The following MDGA2 variants were observed in gnomAD, a reference collection of about 807,000 sequenced individuals.
MDGA2 encodes the protein MAM domain containing glycosylphosphatidylinositol anchor 2, also known as MAM domain-containing glycosylphosphatidylinositol anchor protein 2.
MDGA2 carries 40 observed loss-of-function variants against 117.8 expected under a neutral mutation model. The observed-to-expected ratio is 0.34, with a 90% confidence interval of 0.26 to 0.44. The LOEUF (loss-of-function observed/expected upper bound fraction) is 0.44, where lower values mean the gene tolerates loss of function less well. Among genes scored for constraint, MDGA2 ranks in the 20% least tolerant of loss-of-function variants. The pLI is 1.00. For missense variants in MDGA2, 1,123 were observed against 1,250.6 expected, an observed-to-expected ratio of 0.90 and a Z score of 1.54; for synonymous variants, 452 against 439.0, an observed-to-expected ratio of 1.03 and a Z score of -0.37.
chr14:46,894,778 C>A (rs1341658451), intron 10 of MDGA2, among the ~76,000 whole-genome samples: 5 of 152,134 alleles, frequency 3.3e-5, no homozygotes, highest in African/African-American at 1.2e-4. Flanking sequence ...ACATTGAAAA[C>A]CACCCAAGAG....
At chr14:46,865,362 AATCAATTAGGTATTGATGGGACGT>A in intron 14 of MDGA2, among the ~76,000 whole-genome samples, 1 of 152,144 alleles carries the variant, frequency 6.6e-6, no homozygotes, top group Non-Finnish European at 1.5e-5. Flanking sequence ...AAAAACTCTC[AATCAATTAGGTATTGATGGGACGT>A]ATCTCAAAAT....
chr14:47,475,161 AG>A (rs796492206), intron 1 of MDGA2, among the ~76,000 whole-genome samples: 1 of 152,292 alleles, frequency 6.6e-6, no homozygotes, highest in African/African-American at 2.4e-5. Flanking sequence ...TTAAAAAGTG[AG>A]CAAAGGACAT....
chr14:46,913,222 C>G (rs1475852437), intron 10 of MDGA2, among the ~76,000 whole-genome samples: 2 of 152,124 alleles, frequency 1.3e-5, no homozygotes, highest in Non-Finnish European at 1.5e-5. Context: ...TCAGTACATG[C>G]CCCAAATATG....
chr14:47,271,639 C>T (rs1167306721), intron 2 of MDGA2, among the ~76,000 whole-genome samples: 2 of 152,066 alleles, frequency 1.3e-5, no homozygotes, highest in African/African-American at 4.8e-5. Flanking sequence ...CACCTCCTGA[C>T]CTTGAATAAG....
chr14:47,377,602 GC>G (rs1443351060), intron 1 of MDGA2, among the ~76,000 whole-genome samples: 1 of 151,986 alleles, frequency 6.6e-6, no homozygotes, highest in Non-Finnish European at 1.5e-5. Flanking sequence ...TGCCCACGGA[GC>G]CTTGCTCACT....
At chr14:47,405,033 T>C (rs1013704152) in intron 1 of MDGA2, among the ~76,000 whole-genome samples, 2 of 152,196 alleles carry the variant, frequency 1.3e-5, no homozygotes, top group African/African-American at 4.8e-5. Flanking sequence ...TAATGAATGA[T>C]GTTTATAGCA....
At chr14:46,844,026 C>A (rs1319163589) in intron 16 of MDGA2, among the ~76,000 whole-genome samples, 1 of 152,114 alleles carries the variant, frequency 6.6e-6, no homozygotes, top group African/African-American at 2.4e-5. Flanking sequence ...CTTTAAGAAG[C>A]AGCTAAATAC....
At chr14:47,107,285 T>C (rs1880757241) in intron 5 of MDGA2, among the ~76,000 whole-genome samples, 1 of 152,052 alleles carries the variant, frequency 6.6e-6, no homozygotes, top group Non-Finnish European at 1.5e-5. Context: ...ATTTTACCTG[T>C]CCTAAAACCA....
At chr14:47,162,184 T>G (rs1883670493) in intron 3 of MDGA2, among the ~76,000 whole-genome samples, 2 of 151,996 alleles carry the variant, frequency 1.3e-5, no homozygotes, top group Admixed American at 1.3e-4. Flanking sequence ...CGACCTCGTG[T>G]TCTGCATGCC....
At chr14:47,212,504 C>G (rs1388743315) in intron 3 of MDGA2, among the ~76,000 whole-genome samples, 2 of 152,052 alleles carry the variant, frequency 1.3e-5, no homozygotes, top group East Asian at 3.9e-4. Flanking sequence ...TTTCCAATAC[C>G]CAGAGGCAAC....
chr14:47,285,022 C>A (rs1183193643), intron 2 of MDGA2, among the ~76,000 whole-genome samples: 1 of 152,020 alleles, frequency 6.6e-6, no homozygotes, highest in Non-Finnish European at 1.5e-5. Flanking sequence ...GAACATTTAC[C>A]AACTCTATTA....
intron 2 of MDGA2, among the ~76,000 whole-genome samples, chr14:47,226,217 A>G (rs1041014986): frequency 4.7e-5 from 3 of 63,858 alleles, no homozygotes; most frequent in African/African-American, 1.7e-4. Flanking sequence ...CTGTCTCACC[A>G]TAAATAAATA....
At chr14:46,950,395 TGCA>T (rs990551019) in intron 9 of MDGA2, among the ~76,000 whole-genome samples, 7 of 152,010 alleles carry the variant, frequency 4.6e-5, no homozygotes, top group Non-Finnish European at 8.8e-5. Flanking sequence ...CCATCTCTTC[TGCA>T]CATGTAGTAG....
chr14:46,931,554 G>T (rs1341517700), intron 9 of MDGA2, among the ~76,000 whole-genome samples: 7 of 128,716 alleles, frequency 5.4e-5, no homozygotes, highest in African/African-American at 2.1e-4. Flanking sequence ...ATGGAGTCTA[G>T]CTCTGTCACC....
chr14:47,674,379 C>T (rs1050924124), intron 1 of MDGA2, 138 bp downstream of exon 1: 3 of 723,588 alleles, frequency 4.1e-6, no homozygotes, highest in Non-Finnish European at 4.5e-6. Flanking sequence ...CTCTTTATCG[C>T]TCCCAATAAC....
chr14:46,909,234 T>C (rs192798404), intron 10 of MDGA2, among the ~76,000 whole-genome samples: 1 of 152,304 alleles, frequency 6.6e-6, no homozygotes, highest in East Asian at 1.9e-4. Flanking sequence ...AAAAAGTAGA[T>C]CTTTTTGAGG....
chr14:47,324,461 A>G lies in MDGA2; in HGVS notation c.281-22911T>C, dbSNP rs1374050167. Among the ~76,000 whole-genome samples the G allele has an allele frequency of 2.6e-5, 4 of 152,262 alleles. No homozygotes were observed. The East Asian group carries it at 7.7e-4, about 29-fold the overall frequency. ...TACCTTCCATTTAGAGAAACTCAGA[A>G]CTTTTTTTTCTTTGGTAAAATTTCA... On this transcript the variant is annotated intron_variant, in intron 1 of 16. Coordinates refer to ENST00000399232, the MANE Select transcript of MDGA2 (RefSeq NM_001113498.3).
At chr14:46,895,663 G>C (rs540860004) in intron 10 of MDGA2, among the ~76,000 whole-genome samples, 1 of 151,910 alleles carries the variant, frequency 6.6e-6, no homozygotes, top group South Asian at 2.1e-4. Context: ...GGAGGTGGAG[G>C]TTGCAGTGAG....
intron 9 of MDGA2, among the ~76,000 whole-genome samples, chr14:46,923,165 T>A (rs1008806128): frequency 6.6e-6 from 1 of 152,200 alleles, no homozygotes; most frequent in African/African-American, 2.4e-5. Context: ...AGCTCCAATC[T>A]AACCCATTAA....
Sources: allele counts gnomAD v4.1 joint callset (sites outside exome capture counted in the v4.1 genomes callset), GRCh38; gene constraint gnomAD v4.1.1; transcripts MANE v1.5; gene names NCBI Gene and HGNC (gene_info 2026-07-23, HGNC 2026-07-21).